The following TBC1D5 variants were observed in gnomAD, a reference collection of about 807,000 sequenced individuals.
TBC1D5 encodes TBC1 domain family, member 5.
A neutral mutation model predicts 100.3 loss-of-function variants in TBC1D5; 75 were observed. That is an observed-to-expected ratio of 0.75 (90% confidence interval 0.62 to 0.91). TBC1D5 has a LOEUF of 0.91. TBC1D5 is among the 40% of genes least tolerant of loss of function. The pLI, the probability that TBC1D5 is intolerant of heterozygous loss-of-function variation, is 0.00. For missense variants in TBC1D5, 910 were observed against 942.4 expected, an observed-to-expected ratio of 0.97 and a Z score of 0.45; for synonymous variants, 323 against 325.6, an observed-to-expected ratio of 0.99 and a Z score of 0.09.
At chr3:17,641,898 C>G (rs1006451872) in intron 1 of TBC1D5, among the ~76,000 whole-genome samples, 1 of 152,004 alleles carries the variant, frequency 6.6e-6, no homozygotes, top group African/African-American at 2.4e-5. Flanking sequence ...AGACTAATGA[C>G]TTTTTTCCCC....
upstream of TBC1D5, chr3:17,742,468 T>C (rs534748336): frequency 6.5e-6 from 1 of 152,738 alleles, no homozygotes; most frequent in Non-Finnish European, 1.5e-5. Flanking sequence ...TCATCATCAT[T>C]ATTTTATTTT....
intron 8 of TBC1D5, among the ~76,000 whole-genome samples, chr3:17,395,273 T>C (rs899846421): frequency 1.3e-5 from 2 of 152,046 alleles, no homozygotes; most frequent in Non-Finnish European, 2.9e-5. Flanking sequence ...CAAAAACATC[T>C]TTCTGTTCCT....
At chr3:17,201,998 T>G (rs989711807) in intron 18 of TBC1D5, among the ~76,000 whole-genome samples, 3 of 152,034 alleles carry the variant, frequency 2.0e-5, no homozygotes, top group Admixed American at 2.0e-4. Context: ...CAGGCAGAGG[T>G]TGGAACAGTT....
intron 1 of TBC1D5, among the ~76,000 whole-genome samples, chr3:17,686,456 A>C (rs1487068109): frequency 1.0e-5 from 1 of 99,638 alleles, no homozygotes; most frequent in Admixed American, 1.1e-4. Context: ...AAATTAACCT[A>C]ATTTACTAAT....
chr3:17,736,257 T>C (rs549191760), intron 1 of TBC1D5, among the ~76,000 whole-genome samples: 1 of 152,126 alleles, frequency 6.6e-6, no homozygotes, highest in Non-Finnish European at 1.5e-5. Flanking sequence ...AGACCTTGTC[T>C]CTAAAAAATA....
intron 15 of TBC1D5, among the ~76,000 whole-genome samples, chr3:17,268,016 A>G (rs889129807): frequency 6.6e-5 from 10 of 152,108 alleles, no homozygotes; most frequent in African/African-American, 2.4e-4. Flanking sequence ...GCAAACACAA[A>G]TAACACCTAG....
Position 17,595,535 on chromosome 3 carries a change from T to C in TBC1D5, c.-36+28314A>G, listed in dbSNP as rs922877985. 2.0e-5 allele frequency among the ~76,000 whole-genome samples: 3 copies of C among 152,224 alleles called. 1 individual carries two copies. Among genetic ancestry groups the C allele is most frequent in the Non-Finnish European group, 2.9e-5 (2 of 68,042 alleles). On this transcript the variant is annotated intron_variant, in intron 2 of 21. Transcript: ENST00000253692. ...CTTAAATGCTGAATAAGAGTTACCA[T>C]TTATTGAAATGCCTACTCTGGGATA...
At chr3:17,717,887 A>T (rs985448714) in intron 1 of TBC1D5, among the ~76,000 whole-genome samples, 52 of 152,162 alleles carry the variant, frequency 3.4e-4, no homozygotes, top group African/African-American at 1.2e-3. Context: ...TGATATTTTT[A>T]ATTTTTTTTT....
At chr3:17,667,243 G>A (rs979200422) in intron 1 of TBC1D5, among the ~76,000 whole-genome samples, 4 of 151,922 alleles carry the variant, frequency 2.6e-5, no homozygotes, top group African/African-American at 4.8e-5. Context: ...AAAATACTTC[G>A]AGCAACTGAA....
intron 4 of TBC1D5, among the ~76,000 whole-genome samples, chr3:17,427,535 A>G (rs2094360970): frequency 6.6e-6 from 1 of 151,966 alleles, no homozygotes; most frequent in Non-Finnish European, 1.5e-5. Flanking sequence ...TATTTATTAT[A>G]GAAAAGAAGA....
At chr3:17,543,958 C>A (rs1445537836) in intron 2 of TBC1D5, among the ~76,000 whole-genome samples, 1 of 151,892 alleles carries the variant, frequency 6.6e-6, no homozygotes, top group Non-Finnish European at 1.5e-5. Flanking sequence ...ACCTCCACCT[C>A]CCAGGTGCAA....
intron 16 of TBC1D5, among the ~76,000 whole-genome samples, chr3:17,239,033 G>A (rs1037155362): frequency 6.6e-6 from 1 of 151,814 alleles, no homozygotes; most frequent in African/African-American, 2.4e-5. Context: ...TATTTTTCTC[G>A]ATAGCACTTT....
At chr3:17,564,788 A>T (rs573823716) in intron 2 of TBC1D5, among the ~76,000 whole-genome samples, 3 of 152,130 alleles carry the variant, frequency 2.0e-5, no homozygotes, top group Non-Finnish European at 4.4e-5. Flanking sequence ...GCATCCAGAC[A>T]TCAAATCATG....
At chr3:17,458,253 T>C (rs1027435090) in intron 3 of TBC1D5, among the ~76,000 whole-genome samples, 5 of 151,938 alleles carry the variant, frequency 3.3e-5, no homozygotes, top group Admixed American at 1.3e-4. Flanking sequence ...GGGCTGAGGG[T>C]TTTTTCCCTG....
chr3:17,242,014 C>T (rs1042850792), intron 16 of TBC1D5, among the ~76,000 whole-genome samples: 1 of 152,158 alleles, frequency 6.6e-6, no homozygotes, highest in African/African-American at 2.4e-5. Flanking sequence ...TGGTTCCTCA[C>T]AGACAGGTGA....
At chr3:17,545,720 A>G (rs1052850707) in intron 2 of TBC1D5, among the ~76,000 whole-genome samples, 1 of 152,198 alleles carries the variant, frequency 6.6e-6, no homozygotes, top group Non-Finnish European at 1.5e-5. Flanking sequence ...AAAATAAGAG[A>G]CACAAACACT....
exon 7 of TBC1D5, chr3:17,404,720 T>C: frequency 1.9e-6 from 3 of 1,607,344 alleles, no homozygotes; most frequent in South Asian, 1.1e-5. Flanking sequence ...AGAGGATTAT[T>C]GATCATCAAA....
chr3:17,667,807 T>C (rs2067447761), intron 1 of TBC1D5, among the ~76,000 whole-genome samples: 1 of 152,118 alleles, frequency 6.6e-6, no homozygotes, highest in Admixed American at 6.5e-5. Flanking sequence ...GTATTAAGTT[T>C]TTGTCTTTCA....
At chr3:17,473,347 C>G (rs1473773400) in intron 3 of TBC1D5, among the ~76,000 whole-genome samples, 1 of 152,104 alleles carries the variant, frequency 6.6e-6, no homozygotes, top group Non-Finnish European at 1.5e-5. Flanking sequence ...CCCTAACATA[C>G]CATTTTAAAA....
Sources: gnomAD v4.1 joint callset for allele counts (sites outside exome capture counted in the v4.1 genomes callset) on GRCh38, gnomAD v4.1.1 for gene constraint, MANE v1.5 for transcripts, NCBI Gene and HGNC (gene_info 2026-07-23, HGNC 2026-07-21) for gene names.